Variants in UNC119B observed in about 807,000 individuals in gnomAD.
The protein encoded by UNC119B is protein unc-119 homolog B.
UNC119B carries 16 observed loss-of-function variants against 23.4 expected under a neutral mutation model. That is an observed-to-expected ratio of 0.68 (90% CI 0.46 to 1.04). The LOEUF is 1.04. Ranked by LOEUF, UNC119B falls within the 50% of genes least tolerant of loss-of-function variation. The probability of loss-of-function intolerance (pLI) is 0.00; values close to 1 mark genes in which losing one functional copy is unlikely to be tolerated. For missense variants in UNC119B, 350 were observed against 361.3 expected, an observed-to-expected ratio of 0.97 and a Z score of 0.25; for synonymous variants, 144 against 145.4, an observed-to-expected ratio of 0.99 and a Z score of 0.07.
At position 120,715,602 on chromosome 12, in the gene UNC119B, C is replaced by T. The variant is rs1341010422; in HGVS notation, c.359-1026C>T. 5.3e-5 allele frequency among the ~76,000 whole-genome samples: 7 copies of T among 131,988 alleles called. No homozygotes were observed. The East Asian group carries it at 8.0e-4, about 15-fold the overall frequency. The allele number at this position is 131,988 out of a possible 152,430, so 86.6% of individuals were successfully genotyped here. Reference sequence around the variant, plus strand: ...AGGCTGGAGTGCAATGGCACAATCTCGGCTCACTACAACCTCCGCCTCCCG... The same window carrying T: ...AGGCTGGAGTGCAATGGCACAATCTTGGCTCACTACAACCTCCGCCTCCCG... On this transcript the variant is annotated intron_variant, in intron 2 of 4. Coordinates refer to ENST00000344651, the MANE Select transcript of UNC119B (RefSeq NM_001080533.3).
intron 2 of UNC119B, among the ~76,000 whole-genome samples, chr12:120,714,651 TC>T (rs1400416238): frequency 6.6e-6 from 1 of 152,168 alleles, no homozygotes; most frequent in Non-Finnish European, 1.5e-5. Flanking sequence ...GATGGTCAGA[TC>T]AAGACCAGCT....
chr12:120,713,018 C>T (rs1228694773), intron 1 of UNC119B, among the ~76,000 whole-genome samples: 2 of 152,206 alleles, frequency 1.3e-5, no homozygotes, highest in East Asian at 1.9e-4. Flanking sequence ...CAAAGAAATC[C>T]ACCTTTTCTA....
In UNC119B at chr12:120,711,673, C is replaced by A. The variant is rs542648631; in HGVS notation, c.244+955C>A. On this transcript the variant is annotated intron_variant, in intron 1 of 4. Coordinates refer to ENST00000344651, the MANE Select transcript of UNC119B (RefSeq NM_001080533.3). ...TCTCCTAACCCTGTGGCAGCAGCAA[C>A]ATTCCCTGGATGGATCGAAGGCTGC... 2.0e-5 allele frequency: 3 copies of A among 152,450 alleles called. No homozygotes were observed. In the South Asian group the frequency reaches 6.2e-4, roughly 32 times the overall value. The allele number at this position is 152,450 out of a possible 1,614,324, so 9.4% of individuals were successfully genotyped here. A position where few individuals can be genotyped will look rare whatever the true frequency, so the allele number is the denominator to read the frequency against.
Position 120,718,035 on chromosome 12 carries a change from A to AT in UNC119B, c.643+999dup, listed in dbSNP as rs572887771. 2.0e-5 allele frequency among the ~76,000 whole-genome samples: 3 copies of AT among 151,976 alleles called. No homozygotes were observed. The South Asian group carries it at 6.2e-4, about 32-fold the overall frequency. On this transcript the variant is annotated intron_variant, in intron 4 of 4. Coordinates refer to ENST00000344651, the MANE Select transcript of UNC119B (RefSeq NM_001080533.3). ...AGGTGCCCACCACCATGCCCGGCTA[A>AT]TTTTTTGTATTTTTAGTAGAGACGG...
chr12:120,718,828 A>T (rs1882833126), intron 4 of UNC119B, among the ~76,000 whole-genome samples: 1 of 152,236 alleles, frequency 6.6e-6, no homozygotes, highest in Non-Finnish European at 1.5e-5. Context: ...TGAAAACCAG[A>T]TAACCTTTAA....
chr12:120,719,717 A>G (rs550219974), intron 4 of UNC119B, among the ~76,000 whole-genome samples: 8 of 152,196 alleles, frequency 5.3e-5, no homozygotes, highest in Middle Eastern at 3.4e-3. Flanking sequence ...AATGGAGATC[A>G]TGTTCAGCTG....
Position 120,710,612 on chromosome 12 carries a change from C to T in UNC119B, c.138C>T (p.His46=), listed in dbSNP as rs1411128804. 2.1e-6 allele frequency: 3 copies of T among 1,440,422 alleles called. No individual in the cohort carries two copies. The highest frequency in any genetic ancestry group is 2.7e-6 in the Non-Finnish European group (3 of 1,102,282). The allele number at this position is 1,440,422 out of a possible 1,614,324, so 89.2% of individuals were successfully genotyped here. The change falls in exon 1 of 5, where the codon CAC becomes CAT. Residue 46 remains histidine (H), a synonymous_variant. Transcript: ENST00000344651. ...TGAAGGCGCGGCGGCAGGCGCCCCA[C>T]CACGCGGCCGACGACGGCGTCGGGG... ...NRLKARRQAP[H]HAADDGVGAA...
intron 2 of UNC119B, 30 bp from the exon 3 acceptor site, chr12:120,716,598 G>C: frequency 6.2e-7 from 1 of 1,610,170 alleles, no homozygotes; most frequent in Non-Finnish European, 8.5e-7. Context: ...TGTCGAGATG[G>C]TGCACTGAAG....
At chr12:120,715,697 C>A (rs1429566057) in intron 2 of UNC119B, among the ~76,000 whole-genome samples, 2 of 152,026 alleles carry the variant, frequency 1.3e-5, no homozygotes, top group Non-Finnish European at 2.9e-5. Flanking sequence ...CCACGCTGGG[C>A]TAATTTTGTA....
intron 1 of UNC119B, chr12:120,711,131 C>G (rs1882657742): frequency 6.4e-6 from 1 of 156,736 alleles, no homozygotes; most frequent in Non-Finnish European, 1.4e-5. Context: ...GCCAGGCTCC[C>G]CCAGCCCTCT....
In UNC119B at chr12:120,722,705, C is replaced by CT. The variant is rs1028880072; in HGVS notation, c.*2677dup. 6.6e-6 allele frequency: 1 copy of CT among 152,252 alleles called. No individual in the cohort carries two copies. The allele number at this position is 152,252 out of a possible 1,614,324, so 9.4% of individuals were successfully genotyped here. ...TTGCAGTCTCCTGGAGAGAGCCTCT[C>CT]TTTTCCTGTACAGCCTTTGGGCCAA... On this transcript the variant is annotated 3_prime_UTR_variant, in exon 5 of 5. Coordinates refer to ENST00000344651, the MANE Select transcript of UNC119B (RefSeq NM_001080533.3).
At position 120,723,002 on chromosome 12, in the gene UNC119B, A is replaced by G. The variant is rs2239757; in HGVS notation, c.*2970A>G. ...ACTGGAAATTTGTGAAATGGCAGTG[A>G]TTGGGCAATCTTCAGTTTATTTTTT... is the stretch of plus-strand genomic sequence containing the variant. On this transcript the variant is annotated 3_prime_UTR_variant, in exon 5 of 5. Transcript: ENST00000344651. The G allele has an allele frequency of 0.041, 6,195 of 152,446 alleles. 379 individuals carry two copies. The highest frequency in any genetic ancestry group is 0.28 in the East Asian group (1,426 of 5,168). The allele number at this position is 152,446 out of a possible 1,614,324, so 9.4% of individuals were successfully genotyped here.
At chr12:120,719,848 T>C in intron 4 of UNC119B, 72 bp from the exon 5 acceptor site, 1 of 1,087,578 alleles carries the variant, frequency 9.2e-7, no homozygotes, top group African/African-American at 1.6e-5. Context: ...CAAAGTTTTC[T>C]CCCACCTACC....
chr12:120,710,544 A>AAGG lies in UNC119B; in HGVS notation c.76_78dup (p.Glu26dup), dbSNP rs770908614. 1.4e-6 allele frequency: 2 copies of AAGG among 1,385,662 alleles called. No homozygotes were observed. Among genetic ancestry groups the AAGG allele is most frequent in the African/African-American group, 3.0e-5 (2 of 65,968 alleles). The allele number at this position is 1,385,662 out of a possible 1,614,324, so 85.8% of individuals were successfully genotyped here. Reference sequence around the variant, plus strand: ...TGGGCCCGGGGGGCTGGTGGCTGGCAAGGAGGAGAAGAAGAAGGCGGGCGG... The same window carrying AAGG: ...TGGGCCCGGGGGGCTGGTGGCTGGCAAGGAGGAGGAGAAGAAGAAGGCGGGCGG... On this transcript the variant is annotated inframe_insertion, in exon 1 of 5. Coordinates refer to ENST00000344651, the MANE Select transcript of UNC119B (RefSeq NM_001080533.3).
intron 1 of UNC119B, among the ~76,000 whole-genome samples, chr12:120,712,419 A>G (rs1398617689): frequency 8.5e-5 from 13 of 152,370 alleles, no homozygotes; most frequent in Admixed American, 7.8e-4. Flanking sequence ...TGTGGAGAAG[A>G]TGCTATCCGG....
At chr12:120,712,230 C>G (rs142621884) in intron 1 of UNC119B, among the ~76,000 whole-genome samples, 1 of 152,346 alleles carries the variant, frequency 6.6e-6, no homozygotes, top group African/African-American at 2.4e-5. Flanking sequence ...CTTAACGTCT[C>G]GTTCATTCTA....
intron 1 of UNC119B, among the ~76,000 whole-genome samples, chr12:120,713,016 T>A (rs572366871): frequency 6.6e-6 from 1 of 152,356 alleles, no homozygotes; most frequent in South Asian, 2.1e-4. Flanking sequence ...TCCAAAGAAA[T>A]CCACCTTTTC....
chr12:120,713,858 G>T (rs1444943722), intron 2 of UNC119B, among the ~76,000 whole-genome samples: 1 of 152,174 alleles, frequency 6.6e-6, no homozygotes, highest in Non-Finnish European at 1.5e-5. Flanking sequence ...CAGACATGAG[G>T]CAGTTTGAGC....
intron 1 of UNC119B, among the ~76,000 whole-genome samples, 198 bp from the exon 2 acceptor site, chr12:120,713,076 G>C (rs1475353267): frequency 2.6e-5 from 4 of 152,142 alleles, no homozygotes; most frequent in Admixed American, 6.5e-5. Flanking sequence ...GCAAGTCCTT[G>C]TTATTTTTTT....
Sources: gnomAD v4.1 joint callset for allele counts (sites outside exome capture counted in the v4.1 genomes callset) on GRCh38, gnomAD v4.1.1 for gene constraint, MANE v1.5 for transcripts, NCBI Gene and HGNC (gene_info 2026-07-23, HGNC 2026-07-21) for gene names.